ST8SIA6: variants seen among roughly 807,000 people sequenced by gnomAD.
ST8SIA6 encodes ST8 alpha-N-acetyl-neuraminide alpha-2,8-sialyltransferase 6.
A neutral mutation model predicts 33.6 loss-of-function variants in ST8SIA6; 39 were observed. That is an observed-to-expected ratio of 1.16 (90% confidence interval 0.90 to 1.52). ST8SIA6 has a LOEUF of 1.52. Among genes scored for constraint, ST8SIA6 ranks in the 40% most tolerant of loss-of-function variants. ST8SIA6 has a pLI of 0.00. For synonymous variants in ST8SIA6, 172 were observed against 167.2 expected, an observed-to-expected ratio of 1.03 and a Z score of -0.22; for missense variants, 441 against 443.8, an observed-to-expected ratio of 0.99 and a Z score of 0.06.
At chr10:17,334,146 T>C (rs1031104793) in intron 4 of ST8SIA6, among the ~76,000 whole-genome samples, 3 of 151,966 alleles carry the variant, frequency 2.0e-5, no homozygotes, top group Non-Finnish European at 4.4e-5. Flanking sequence ...AAAATGCTCA[T>C]GAATATAACA....
At chr10:17,390,677 A>G (rs895148157) in intron 2 of ST8SIA6, 57 bp from the exon 3 acceptor site, 103 of 1,391,622 alleles carry the variant, frequency 7.4e-5, no homozygotes, top group Non-Finnish European at 9.2e-5. Context: ...CTTATAAGAT[A>G]TTGTTAACAA....
chr10:17,429,304 T>C (rs1192255032), intron 2 of ST8SIA6, among the ~76,000 whole-genome samples: 2 of 152,050 alleles, frequency 1.3e-5, no homozygotes, highest in Non-Finnish European at 2.9e-5. Flanking sequence ...TTCTACCTTT[T>C]ATTTCTATTT....
intron 2 of ST8SIA6, among the ~76,000 whole-genome samples, chr10:17,437,391 T>A: frequency 6.6e-6 from 1 of 152,186 alleles, no homozygotes. Context: ...AGGCTAGTCA[T>A]GAACTCCTGG....
chr10:17,430,236 TC>T (rs1852061773), intron 2 of ST8SIA6, among the ~76,000 whole-genome samples: 1 of 152,246 alleles, frequency 6.6e-6, no homozygotes, highest in Non-Finnish European at 1.5e-5. Context: ...TTATTTTGTT[TC>T]TTCTTATGGC....
chr10:17,354,149 T>C (rs907264774), intron 4 of ST8SIA6, among the ~76,000 whole-genome samples: 2 of 152,164 alleles, frequency 1.3e-5, no homozygotes, highest in Admixed American at 6.6e-5. Flanking sequence ...ACCAGAAGTT[T>C]CCAGAGCTTC....
intron 2 of ST8SIA6, among the ~76,000 whole-genome samples, chr10:17,431,340 T>C (rs1292373979): frequency 1.3e-5 from 2 of 152,164 alleles, no homozygotes; most frequent in Non-Finnish European, 2.9e-5. Context: ...ATAAAAGAAA[T>C]TTCTTCACAG....
At position 17,429,815 on chromosome 10, in the gene ST8SIA6, G is replaced by A. The variant is rs146332320; in HGVS notation, c.200+23744C>T. ...TTTTCAACTTCTATTTGTACTTCAC[G>A]TTTTACCATTTGGAGCTTCATTTAG... On this transcript the variant is annotated intron_variant, in intron 2 of 7. Coordinates refer to ENST00000377602, the MANE Select transcript of ST8SIA6 (RefSeq NM_001004470.3). Among the ~76,000 whole-genome samples the A allele has an allele frequency of 3.6e-3, 544 of 152,124 alleles. 2 individuals are homozygous for A. The highest frequency in any genetic ancestry group is 0.01 in the Middle Eastern group (3 of 294).
intron 5 of ST8SIA6, among the ~76,000 whole-genome samples, chr10:17,329,224 G>A (rs1564402224): frequency 6.6e-6 from 1 of 152,108 alleles, no homozygotes; most frequent in Non-Finnish European, 1.5e-5. Context: ...TACTTTATTA[G>A]CACATTTAAC....
chr10:17,417,226 C>G (rs1851633053), intron 2 of ST8SIA6, among the ~76,000 whole-genome samples: 1 of 152,116 alleles, frequency 6.6e-6, no homozygotes, highest in Non-Finnish European at 1.5e-5. Context: ...AGAACTCACT[C>G]ATTACTGCCG....
intron 2 of ST8SIA6, among the ~76,000 whole-genome samples, chr10:17,443,216 C>T (rs1004448589): frequency 1.3e-5 from 2 of 152,012 alleles, no homozygotes; most frequent in South Asian, 2.1e-4. Context: ...TTATAAAATA[C>T]GTATTATAGA....
At chr10:17,340,557 C>A (rs569755671) in intron 4 of ST8SIA6, among the ~76,000 whole-genome samples, 1 of 152,306 alleles carries the variant, frequency 6.6e-6, no homozygotes, top group South Asian at 2.1e-4. Flanking sequence ...AGAACCCCTT[C>A]CCCTCCCTTG....
In ST8SIA6 at chr10:17,365,753, A is replaced by C. The variant is rs139437032; in HGVS notation, c.291-6153T>G. 7.5e-3 allele frequency among the ~76,000 whole-genome samples: 1,141 copies of C among 152,324 alleles called. 5 individuals are homozygous for C. Among genetic ancestry groups the C allele is most frequent in the Middle Eastern group, 0.024 (7 of 294 alleles). The stretch of plus-strand genomic sequence containing the variant: ...AGGGGAACTACTGTATTGGGTACTT[A>C]CTAAGTACATAGAAGTTATCTTGGA... On this transcript the variant is annotated intron_variant, in intron 3 of 7. Coordinates refer to ENST00000377602, the MANE Select transcript of ST8SIA6 (RefSeq NM_001004470.3).
chr10:17,329,060 A>G (rs1371387195), intron 5 of ST8SIA6, among the ~76,000 whole-genome samples: 2 of 152,146 alleles, frequency 1.3e-5, no homozygotes, highest in African/African-American at 4.8e-5. Context: ...ATGCCCCAGA[A>G]TCATTGTGAC....
At chr10:17,432,909 AC>A (rs987480908) in intron 2 of ST8SIA6, among the ~76,000 whole-genome samples, 7 of 152,100 alleles carry the variant, frequency 4.6e-5, no homozygotes, top group Admixed American at 3.3e-4. Context: ...CCTGTAACCA[AC>A]CCAGCTGTTT....
At chr10:17,453,528 C>G in intron 2 of ST8SIA6, 31 bp downstream of exon 2, 1 of 1,278,516 alleles carries the variant, frequency 7.8e-7, no homozygotes, top group Non-Finnish European at 9.9e-7. Flanking sequence ...GCTCCCGAGC[C>G]CCAGTCCGCC....
intron 4 of ST8SIA6, among the ~76,000 whole-genome samples, chr10:17,335,584 A>C (rs1334409870): frequency 6.6e-6 from 1 of 152,160 alleles, no homozygotes; most frequent in Non-Finnish European, 1.5e-5. Flanking sequence ...GGATTCTGTC[A>C]CCCACTTATT....
chr10:17,402,986 C>G (rs45473294), intron 2 of ST8SIA6, among the ~76,000 whole-genome samples: 2,049 of 152,270 alleles, frequency 0.013, 26 homozygotes, highest in Non-Finnish European at 0.022. Context: ...GCAAACCTAT[C>G]CACTGTGGCA....
intron 4 of ST8SIA6, among the ~76,000 whole-genome samples, chr10:17,354,757 A>T (rs1360667387): frequency 1.3e-5 from 2 of 152,174 alleles, no homozygotes; most frequent in African/African-American, 4.8e-5. Context: ...AGGGCCAGAA[A>T]GATCCTTAGA....
chr10:17,422,427 A>G (rs1002482575), intron 2 of ST8SIA6, among the ~76,000 whole-genome samples: 1 of 152,208 alleles, frequency 6.6e-6, no homozygotes, highest in Non-Finnish European at 1.5e-5. Flanking sequence ...CAAAATTTAT[A>G]TATCCTTTTC....
Sources: gnomAD v4.1 joint callset for allele counts (sites outside exome capture counted in the v4.1 genomes callset) on GRCh38, gnomAD v4.1.1 for gene constraint, MANE v1.5 for transcripts, NCBI Gene and HGNC (gene_info 2026-07-23, HGNC 2026-07-21) for gene names.